The following KDM4C variants were observed in gnomAD, a reference collection of about 807,000 sequenced individuals.
KDM4C encodes the protein lysine-specific demethylase 4C.
A neutral mutation model predicts 129.3 loss-of-function variants in KDM4C; 81 were observed. The observed-to-expected ratio is 0.63, with a 90% CI of 0.52 to 0.75. The LOEUF (loss-of-function observed/expected upper bound fraction) is 0.75. Ranked by LOEUF, KDM4C falls within the 30% of genes least tolerant of loss-of-function variation. The pLI, the probability that KDM4C is intolerant of heterozygous loss-of-function variation, is 0.00. For missense variants in KDM4C, 1,457 were observed against 1,304.0 expected (o/e 1.12, Z -1.81); for synonymous variants, 573 against 456.1 (o/e 1.26, Z -3.26).
intron 17 of KDM4C, among the ~76,000 whole-genome samples, chr9:7,056,355 A>AG (rs1284637006): frequency 6.6e-6 from 1 of 151,906 alleles, no homozygotes; most frequent in East Asian, 1.9e-4. Flanking sequence ...TAGTGCAAAA[A>AG]AAAAAAAGTA....
At chr9:6,772,610 C>T (rs1822105611) in intron 1 of KDM4C, among the ~76,000 whole-genome samples, 1 of 152,134 alleles carries the variant, frequency 6.6e-6, no homozygotes, top group Non-Finnish European at 1.5e-5. Flanking sequence ...ATCTGTCCAC[C>T]TCGGCCTCCC....
chr9:6,784,334 A>G (rs1036943773), intron 1 of KDM4C, among the ~76,000 whole-genome samples: 1 of 152,104 alleles, frequency 6.6e-6, no homozygotes, highest in African/African-American at 2.4e-5. Context: ...TAGGTCTGTT[A>G]TGTCCTGCCT....
intron 19 of KDM4C, among the ~76,000 whole-genome samples, chr9:7,161,286 C>T (rs1843758103): frequency 6.6e-6 from 1 of 152,222 alleles, no homozygotes; most frequent in Non-Finnish European, 1.5e-5. Context: ...TTGTACTTCC[C>T]AGCTGAGGTG....
intron 17 of KDM4C, among the ~76,000 whole-genome samples, chr9:7,100,933 C>T (rs574145166): frequency 2.6e-5 from 4 of 152,060 alleles, no homozygotes; most frequent in Admixed American, 6.5e-5. Context: ...TTTCTCTGTT[C>T]GTTTAGTTCC....
At chr9:6,752,621 G>C (rs1818110624) in intron 1 of KDM4C, among the ~76,000 whole-genome samples, 1 of 151,726 alleles carries the variant, frequency 6.6e-6, no homozygotes, top group African/African-American at 2.4e-5. Context: ...TGTTGGTTAG[G>C]CTGATCTCAA....
chr9:7,098,478 T>C (rs1042766436), intron 17 of KDM4C, among the ~76,000 whole-genome samples: 15 of 152,180 alleles, frequency 9.9e-5, no homozygotes, highest in African/African-American at 3.4e-4. Context: ...GAAATAACTT[T>C]TGGGGAAGAG....
chr9:7,095,891 A>C (rs1260536271), intron 17 of KDM4C, among the ~76,000 whole-genome samples: 1 of 152,254 alleles, frequency 6.6e-6, no homozygotes, highest in African/African-American at 2.4e-5. Context: ...GATTTGTGTA[A>C]ACAGTAATTT....
At chr9:7,064,408 G>C (rs138061715) in intron 17 of KDM4C, among the ~76,000 whole-genome samples, 1 of 152,280 alleles carries the variant, frequency 6.6e-6, no homozygotes, top group Non-Finnish European at 1.5e-5. Flanking sequence ...GTGGAGTATG[G>C]TGGCTCACCA....
intron 18 of KDM4C, 23 bp downstream of exon 18, chr9:7,103,893 C>T: frequency 6.2e-7 from 1 of 1,608,640 alleles, no homozygotes; most frequent in Admixed American, 1.7e-5. Context: ...CTCCCTTCCT[C>T]AGTGCTAAGA....
Position 7,119,473 on chromosome 9 carries a change from C to T in KDM4C, c.2611-8593C>T, listed in dbSNP as rs1164280009. Among the ~76,000 whole-genome samples, 3 of 152,052 alleles carry T rather than the reference C, an allele frequency of 2.0e-5. No individual in the cohort carries two copies. In the East Asian group the frequency reaches 5.8e-4, roughly 29 times the overall value. ...ACTGTCTACAATGGAAATCATATTA[C>T]CATTTTAACAGAAATTTAAAAAATA... is the stretch of plus-strand genomic sequence containing the variant. On this transcript the variant is annotated intron_variant, in intron 18 of 21. Transcript: ENST00000381309.
chr9:6,777,431 G>T (rs938518042), intron 1 of KDM4C, among the ~76,000 whole-genome samples: 1 of 152,170 alleles, frequency 6.6e-6, no homozygotes, highest in Non-Finnish European at 1.5e-5. Flanking sequence ...TCTTCCTTCA[G>T]CTTCAGCTGG....
intron 17 of KDM4C, among the ~76,000 whole-genome samples, chr9:7,095,829 A>C (rs1836365655): frequency 1.3e-5 from 2 of 152,218 alleles, no homozygotes; most frequent in African/African-American, 4.8e-5. Flanking sequence ...TTAACCAAAT[A>C]ATTCAGTAAT....
In KDM4C at chr9:6,888,144, A is replaced by C. The variant is rs374685497; in HGVS notation, c.783+81A>C. On this transcript the variant is annotated intron_variant, in intron 7 of 21. Transcript: ENST00000381309. ...AAGAAGTAATGTATCTTTAACTTCC[A>C]GTAGAATTTTTAGGATGTGGGTAGA... 3.0e-4 allele frequency: 200 copies of C among 676,228 alleles called. 1 individual carries two copies. Among genetic ancestry groups the C allele is most frequent in the South Asian group, 8.1e-4 (34 of 41,980 alleles). 41.9% of individuals were successfully genotyped at this position (676,228 alleles called of 1,614,324 possible).
chr9:7,156,687 C>A (rs1347697096), intron 19 of KDM4C, among the ~76,000 whole-genome samples: 1 of 152,096 alleles, frequency 6.6e-6, no homozygotes, highest in Non-Finnish European at 1.5e-5. Context: ...ATTTCTGAGG[C>A]CTGTGTTCTG....
At chr9:7,043,504 A>G (rs1208721397) in intron 15 of KDM4C, among the ~76,000 whole-genome samples, 1 of 152,026 alleles carries the variant, frequency 6.6e-6, no homozygotes, top group African/African-American at 2.4e-5. Context: ...AAAGGTTAAA[A>G]ATTGTCTTAT....
chr9:6,834,926 G>A lies in KDM4C; in HGVS notation c.436-14581G>A, dbSNP rs565716549. The A allele has an allele frequency of 3.8e-4, 439 of 1,150,234 alleles. 1 individual carries two copies. The African/African-American group carries it at 5.8e-3, about 15-fold the overall frequency. 71.3% of individuals were successfully genotyped at this position (1,150,234 alleles called of 1,614,324 possible). Reference sequence around the variant, plus strand: ...TGGTACCGTGATGGACTCCGGTGACGGGGTCACCCACAGTGTGCCCATCTG... The same window carrying A: ...TGGTACCGTGATGGACTCCGGTGACAGGGTCACCCACAGTGTGCCCATCTG... On this transcript the variant is annotated intron_variant, in intron 4 of 21. Transcript: ENST00000381309.
At chr9:7,012,595 C>T (rs1822909985) in intron 13 of KDM4C, among the ~76,000 whole-genome samples, 1 of 152,160 alleles carries the variant, frequency 6.6e-6, no homozygotes. Flanking sequence ...CCAAGACTCA[C>T]TACAAACTAA....
chr9:7,080,414 A>G (rs1018172236), intron 17 of KDM4C, among the ~76,000 whole-genome samples: 4 of 152,176 alleles, frequency 2.6e-5, no homozygotes, highest in African/African-American at 9.7e-5. Flanking sequence ...CTGAGCAAGA[A>G]GTGAGGTTCT....
chr9:6,924,753 A>C, intron 8 of KDM4C: 1 of 984,356 alleles, frequency 1.0e-6, no homozygotes, highest in Non-Finnish European at 1.2e-6. Context: ...TTTATTAAAC[A>C]CAAAAACTTA....
Sources: allele counts gnomAD v4.1 joint callset (sites outside exome capture counted in the v4.1 genomes callset), GRCh38; gene constraint gnomAD v4.1.1; transcripts MANE v1.5; gene names NCBI Gene and HGNC (gene_info 2026-07-23, HGNC 2026-07-21).